Variants in DOCK3 observed in about 807,000 individuals in gnomAD.
DOCK3 encodes dedicator of cytokinesis 3.
A neutral mutation model predicts 265.6 loss-of-function variants in DOCK3; 60 were observed. The ratio of observed to expected loss-of-function variants is 0.23; its 90% CI spans 0.18 to 0.28. The LOEUF (loss-of-function observed/expected upper bound fraction) is 0.28. Ranked by LOEUF, DOCK3 falls within the 10% of genes least tolerant of loss-of-function variation. The probability of loss-of-function intolerance (pLI) is 1.00; values close to 1 mark genes in which losing one functional copy is unlikely to be tolerated. For missense variants in DOCK3, 1,981 were observed against 2,594.3 expected, an observed-to-expected ratio of 0.76 and a Z score of 5.14; for synonymous variants, 881 against 938.0, an observed-to-expected ratio of 0.94 and a Z score of 1.11.
At chr3:51,027,697 T>C (rs997855338) in intron 5 of DOCK3, among the ~76,000 whole-genome samples, 1 of 152,174 alleles carries the variant, frequency 6.6e-6, no homozygotes, top group African/African-American at 2.4e-5. Context: ...TGTAATGCCC[T>C]TCTTTGTCCT....
At chr3:51,080,180 G>T (rs371325315) in intron 7 of DOCK3, among the ~76,000 whole-genome samples, 28 of 152,304 alleles carry the variant, frequency 1.8e-4, no homozygotes, top group East Asian at 5.8e-4. Context: ...TTGTTATTCA[G>T]TTGGTTAACA....
chr3:50,706,346 A>G (rs1350553604), intron 1 of DOCK3, among the ~76,000 whole-genome samples: 1 of 152,162 alleles, frequency 6.6e-6, no homozygotes, highest in Non-Finnish European at 1.5e-5. Context: ...TTCTATTTTG[A>G]AGGATAGCTT....
Position 51,187,071 on chromosome 3 carries a change from TTGCACCCTGCTCC to T in DOCK3, c.1038-21700_1038-21688del, listed in dbSNP as rs545485257. On this transcript the variant is annotated intron_variant, in intron 12 of 52. Coordinates refer to ENST00000266037, the MANE Select transcript of DOCK3 (RefSeq NM_004947.5). ...CCAGAATGGTAGATCCACAGACAGC[TTGCACCCTGCTCC>T]TGGAAAAGCCACAGATGCTCAACAC... 1.2e-4 allele frequency among the ~76,000 whole-genome samples: 19 copies of T among 152,264 alleles called. No individual in the cohort carries two copies. In the East Asian group the frequency reaches 3.7e-3, roughly 29 times the overall value.
intron 6 of DOCK3, among the ~76,000 whole-genome samples, chr3:51,066,947 C>G (rs1032606023): frequency 1.3e-5 from 2 of 152,072 alleles, no homozygotes; most frequent in African/African-American, 4.8e-5. Flanking sequence ...TCAGTGTTCC[C>G]TAAATCTAAC....
intron 5 of DOCK3, among the ~76,000 whole-genome samples, chr3:50,939,174 T>C (rs918414874): frequency 4.6e-5 from 7 of 152,156 alleles, no homozygotes; most frequent in African/African-American, 1.7e-4. Context: ...TAGTTTAAGA[T>C]GAATAGGTCA....
intron 5 of DOCK3, among the ~76,000 whole-genome samples, chr3:51,007,486 A>ATT (rs2078729459): frequency 1.3e-5 from 2 of 152,142 alleles, no homozygotes; most frequent in African/African-American, 4.8e-5. Context: ...TTACTTGTAA[A>ATT]TTTGTTTGAG....
intron 7 of DOCK3, among the ~76,000 whole-genome samples, chr3:51,084,091 G>A (rs1479215320): frequency 6.6e-6 from 1 of 152,046 alleles, no homozygotes; most frequent in African/African-American, 2.4e-5. Context: ...TGACATACAG[G>A]GTACCAGAAG....
chr3:51,219,131 C>G (rs1477042582), intron 14 of DOCK3, among the ~76,000 whole-genome samples: 1 of 152,168 alleles, frequency 6.6e-6, no homozygotes, highest in African/African-American at 2.4e-5. Context: ...ACACTCTGTC[C>G]TTTTCTTTGA....
In DOCK3 at chr3:50,850,032, T is replaced by G. The variant is rs76091704; in HGVS notation, c.162+8317T>G. ...AGTTTTGAATTCTAGAAGCTCTGAT[T>G]GATTTCCTTTTAAGATGTTTATCTC... is the stretch of plus-strand genomic sequence containing the variant. On this transcript the variant is annotated intron_variant, in intron 3 of 52. Transcript: ENST00000266037. 2.6e-4 allele frequency among the ~76,000 whole-genome samples: 40 copies of G among 152,154 alleles called. No homozygotes were observed. The East Asian group carries it at 3.7e-3, about 14-fold the overall frequency.
chr3:51,165,583 C>A (rs559537007), intron 12 of DOCK3, among the ~76,000 whole-genome samples: 12 of 152,308 alleles, frequency 7.9e-5, no homozygotes, highest in Admixed American at 7.2e-4. Flanking sequence ...ATGAACATTT[C>A]TCCATTACCT....
chr3:50,826,811 G>C (rs1314610655), intron 2 of DOCK3, among the ~76,000 whole-genome samples: 1 of 152,058 alleles, frequency 6.6e-6, no homozygotes, highest in African/African-American at 2.4e-5. Flanking sequence ...AAAAGTTGAG[G>C]GAATTTGCTA....
chr3:51,299,263 G>C (rs2082255436), intron 27 of DOCK3, among the ~76,000 whole-genome samples: 1 of 150,242 alleles, frequency 6.7e-6, no homozygotes, highest in Non-Finnish European at 1.5e-5. Context: ...CTTTTTAATG[G>C]GTTTTTTTTT....
At chr3:51,147,791 CA>C (rs34809823) in intron 10 of DOCK3, among the ~76,000 whole-genome samples, 18 of 152,312 alleles carry the variant, frequency 1.2e-4, no homozygotes, top group African/African-American at 4.3e-4. Context: ...AATAGCGCCT[CA>C]ATAAACATAC....
At chr3:51,145,965 AATCTAATGCCGCTGCTG>A (rs2107280631) in intron 9 of DOCK3, among the ~76,000 whole-genome samples, 1 of 152,270 alleles carries the variant, frequency 6.6e-6, no homozygotes, top group Non-Finnish European at 1.5e-5. Flanking sequence ...CGCCTGTGAA[AATCTAATGCCGCTGCTG>A]ATCTGACAGG....
chr3:51,360,397 A>G, intron 46 of DOCK3, 114 bp from the exon 47 acceptor site: 1 of 1,366,470 alleles, frequency 7.3e-7, no homozygotes, highest in Non-Finnish European at 9.9e-7. Flanking sequence ...AGCCAACCAT[A>G]TGATTCTTTT....
chr3:51,171,940 T>C (rs2086701237), intron 12 of DOCK3, among the ~76,000 whole-genome samples: 1 of 152,170 alleles, frequency 6.6e-6, no homozygotes, highest in South Asian at 2.1e-4. Context: ...AGTTCCCTAC[T>C]GTTATTGTAT....
chr3:51,221,182 A>G (rs1576450915), intron 14 of DOCK3, among the ~76,000 whole-genome samples: 4 of 152,272 alleles, frequency 2.6e-5, no homozygotes, highest in Non-Finnish European at 2.9e-5. Flanking sequence ...CGCTCACTCC[A>G]TAAGCACCTC....
chr3:51,007,290 T>C (rs1559926900), intron 5 of DOCK3, among the ~76,000 whole-genome samples: 2 of 152,192 alleles, frequency 1.3e-5, no homozygotes, highest in African/African-American at 4.8e-5. Flanking sequence ...CACCTGTTGT[T>C]TCCTGACTTT....
chr3:51,039,717 T>C (rs1044218379), intron 5 of DOCK3, among the ~76,000 whole-genome samples: 1 of 152,038 alleles, frequency 6.6e-6, no homozygotes, highest in Admixed American at 6.6e-5. Flanking sequence ...GATCTCTCAT[T>C]GTCAGTTTTG....
Sources: allele counts gnomAD v4.1 joint callset (sites outside exome capture counted in the v4.1 genomes callset), GRCh38; gene constraint gnomAD v4.1.1; transcripts MANE v1.5; gene names NCBI Gene and HGNC (gene_info 2026-07-23, HGNC 2026-07-21).